The following ST6GALNAC3 variants were observed in gnomAD, a reference collection of about 807,000 sequenced individuals.
The protein encoded by ST6GALNAC3 is ST6 N-acetylgalactosaminide alpha-2,6-sialyltransferase 3.
Under a neutral mutation model 32.7 loss-of-function variants are expected in ST6GALNAC3, and 25 were observed. That is an observed-to-expected ratio of 0.76 (90% CI 0.56 to 1.07). The LOEUF is 1.07. Among genes scored for constraint, ST6GALNAC3 ranks in the 50% least tolerant of loss-of-function variants. The probability of loss-of-function intolerance (pLI) is 0.00; values close to 1 mark genes in which losing one functional copy is unlikely to be tolerated. For missense variants in ST6GALNAC3, 355 were observed against 382.4 expected (o/e 0.93, Z 0.60); for synonymous variants, 129 against 133.1 (o/e 0.97, Z 0.21).
intron 1 of ST6GALNAC3, among the ~76,000 whole-genome samples, chr1:76,199,897 TC>T (rs1557691114): frequency 6.6e-6 from 1 of 152,212 alleles, no homozygotes; most frequent in African/African-American, 2.4e-5. Context: ...AATTTATGTG[TC>T]CTGTTTGTCC....
chr1:76,492,587 C>T (rs915105434), intron 3 of ST6GALNAC3, among the ~76,000 whole-genome samples: 1 of 152,100 alleles, frequency 6.6e-6, no homozygotes, highest in Admixed American at 6.6e-5. Flanking sequence ...CCAAACCACC[C>T]GCCAACCCCC....
At chr1:76,142,744 G>A (rs757322995) in intron 1 of ST6GALNAC3, 121 of 406,942 alleles carry the variant, frequency 3.0e-4, no homozygotes, top group Non-Finnish European at 4.3e-4. Context: ...AGTGAGGAGC[G>A]TCCAGCTGTG....
chr1:76,415,171 CT>C (rs71072000), intron 3 of ST6GALNAC3, among the ~76,000 whole-genome samples: 13,464 of 70,230 alleles, frequency 0.19, 273 homozygotes, highest in East Asian at 0.25. Context: ...GGATTCATGT[CT>C]TTTTTTTTTT....
At chr1:76,494,566 C>T (rs1319351523) in intron 3 of ST6GALNAC3, among the ~76,000 whole-genome samples, 1 of 144,418 alleles carries the variant, frequency 6.9e-6, no homozygotes, top group African/African-American at 2.6e-5. Flanking sequence ...CACACACACA[C>T]ACACACACAC....
intron 1 of ST6GALNAC3, among the ~76,000 whole-genome samples, chr1:76,174,331 G>T (rs752785062): frequency 2.6e-5 from 4 of 152,038 alleles, no homozygotes; most frequent in Non-Finnish European, 5.9e-5. Flanking sequence ...ATGGGGGTGA[G>T]AGGAGGGAAC....
chr1:76,080,572 G>A (rs1646879624), intron 1 of ST6GALNAC3, among the ~76,000 whole-genome samples: 1 of 151,384 alleles, frequency 6.6e-6, no homozygotes, highest in East Asian at 1.9e-4. Context: ...AGAAGTGTAG[G>A]CGTGGTTTAA....
At position 76,327,300 on chromosome 1, in the gene ST6GALNAC3, G is replaced by GTT. The variant is rs1290702116; in HGVS notation, c.213+13302_213+13303insTT. The stretch of plus-strand genomic sequence containing the variant: ...CGTGTGTGTGTGTGTGTGTGTGTGT[G>GTT]TGTGTGTGTGTGTGTATGTGTGTAT... On this transcript the variant is annotated intron_variant, in intron 2 of 4. Transcript: ENST00000328299. Among the ~76,000 whole-genome samples the GTT allele has an allele frequency of 2.6e-5, 4 of 151,674 alleles. No individual in the cohort carries two copies. The East Asian group carries it at 7.8e-4, about 30-fold the overall frequency.
intron 3 of ST6GALNAC3, among the ~76,000 whole-genome samples, chr1:76,494,550 AACAC>A (rs55892265): frequency 0.024 from 1,540 of 63,782 alleles, 75 homozygotes; most frequent in African/African-American, 0.066. Flanking sequence ...CATGTGTATA[AACAC>A]ACACACACAC....
intron 2 of ST6GALNAC3, among the ~76,000 whole-genome samples, chr1:76,318,072 TAAA>T (rs905321988): frequency 1.2e-4 from 18 of 151,830 alleles, no homozygotes; most frequent in African/African-American, 3.9e-4. Flanking sequence ...CTGTTTTTTT[TAAA>T]AAAAATAATC....
chr1:76,607,799 A>ACCT (rs1188507692), intron 3 of ST6GALNAC3, among the ~76,000 whole-genome samples: 19 of 152,146 alleles, frequency 1.2e-4, no homozygotes, highest in Admixed American at 3.3e-4. Flanking sequence ...CCCGTAGCCC[A>ACCT]GTACCTGTGT....
rs139308923 is a variant in ST6GALNAC3 at position 76,438,868 on chromosome 1, CAAATGGTTTT to C, written c.623+26452_623+26461del. On this transcript the variant is annotated intron_variant, in intron 3 of 4. Transcript: ENST00000328299. ...GTACTGGACAGGATAGTTATTAAAA[CAAATGGTTTT>C]TTAGTCAAATGGTTATTTGACCTCC... Among the ~76,000 whole-genome samples, 95 of 152,238 alleles carry C rather than the reference CAAATGGTTTT, an allele frequency of 6.2e-4. 3 individuals carry two copies. In the East Asian group the frequency reaches 0.018, roughly 29 times the overall value.
intron 1 of ST6GALNAC3, among the ~76,000 whole-genome samples, chr1:76,076,978 G>C (rs1206282668): frequency 7.2e-6 from 1 of 139,844 alleles, no homozygotes; most frequent in Non-Finnish European, 1.7e-5. Flanking sequence ...ATACCATTCA[G>C]TTCCAACCAC....
intron 2 of ST6GALNAC3, among the ~76,000 whole-genome samples, chr1:76,374,128 A>G (rs984139528): frequency 1.3e-5 from 2 of 152,258 alleles, no homozygotes; most frequent in Non-Finnish European, 2.9e-5. Flanking sequence ...TTGTCAAAGT[A>G]ATAATAACAC....
intron 3 of ST6GALNAC3, among the ~76,000 whole-genome samples, chr1:76,538,814 T>C (rs1277046075): frequency 6.6e-6 from 1 of 152,048 alleles, no homozygotes; most frequent in Non-Finnish European, 1.5e-5. Flanking sequence ...TAACACGGTA[T>C]GTGAAGGACC....
intron 3 of ST6GALNAC3, among the ~76,000 whole-genome samples, chr1:76,477,496 C>T (rs1659430922): frequency 1.3e-5 from 2 of 152,138 alleles, no homozygotes; most frequent in Admixed American, 6.6e-5. Context: ...TCCTTTGCTC[C>T]CATCACCCTA....
chr1:76,526,863 T>G (rs1662944290), intron 3 of ST6GALNAC3, among the ~76,000 whole-genome samples: 1 of 152,126 alleles, frequency 6.6e-6, no homozygotes, highest in South Asian at 2.1e-4. Flanking sequence ...ATGTTCGGTC[T>G]TTAATAGACA....
intron 2 of ST6GALNAC3, among the ~76,000 whole-genome samples, chr1:76,404,466 AT>A (rs968557966): frequency 3.3e-5 from 5 of 151,968 alleles, no homozygotes; most frequent in African/African-American, 1.2e-4. Flanking sequence ...ATTAAAATAC[AT>A]TTTTTTATCA....
At chr1:76,618,808 A>C (rs1648455646) in intron 3 of ST6GALNAC3, among the ~76,000 whole-genome samples, 1 of 152,162 alleles carries the variant, frequency 6.6e-6, no homozygotes, top group South Asian at 2.1e-4. Flanking sequence ...GGACACCATC[A>C]CAATGTTGAC....
intron 1 of ST6GALNAC3, among the ~76,000 whole-genome samples, chr1:76,170,840 G>C (rs906604419): frequency 6.6e-6 from 1 of 152,114 alleles, no homozygotes; most frequent in Non-Finnish European, 1.5e-5. Context: ...GAATAGTGTG[G>C]TGCAATCTGG....
Sources: gnomAD v4.1 joint callset for allele counts (sites outside exome capture counted in the v4.1 genomes callset) on GRCh38, gnomAD v4.1.1 for gene constraint, MANE v1.5 for transcripts, NCBI Gene and HGNC (gene_info 2026-07-23, HGNC 2026-07-21) for gene names.